TIPIN: variants seen among roughly 807,000 people sequenced by gnomAD.
TIPIN encodes TIMELESS interacting protein.
A neutral mutation model predicts 35.6 loss-of-function variants in TIPIN; 29 were observed. The ratio of observed to expected loss-of-function variants is 0.82; its 90% CI spans 0.61 to 1.11. TIPIN has a LOEUF of 1.11. TIPIN is among the 50% of genes most tolerant of loss of function. The probability of loss-of-function intolerance (pLI) is 0.00; values close to 1 mark genes in which losing one functional copy is unlikely to be tolerated. For missense variants in TIPIN, 296 were observed against 345.4 expected (o/e 0.86, Z 1.13); for synonymous variants, 102 against 121.5 (o/e 0.84, Z 1.06).
At position 66,349,878 on chromosome 15, in the gene TIPIN, C is replaced by CA. The variant is rs200525926; in HGVS notation, c.289-442dup. ...CTGGGTGACAGCGAGATCCTATATC[C>CA]AAAAAAAAGAGAGAAAATTATTAAG... is the stretch of plus-strand genomic sequence containing the variant. On this transcript the variant is annotated intron_variant, in intron 4 of 7. Transcript: ENST00000261881. Among the ~76,000 whole-genome samples, 50 of 151,190 alleles carry CA rather than the reference C, an allele frequency of 3.3e-4. 1 individual carries two copies. Among genetic ancestry groups the CA allele is most frequent in the Middle Eastern group, 6.8e-3 (2 of 294 alleles).
chr15:66,348,968 G>T, intron 6 of TIPIN, 92 bp downstream of exon 6: 2 of 991,688 alleles, frequency 2.0e-6, no homozygotes, highest in Non-Finnish European at 3.0e-6. Flanking sequence ...AAAAAGCAAA[G>T]CGCTGGGATT....
At chr15:66,356,209 G>A (rs911215831) in intron 1 of TIPIN, among the ~76,000 whole-genome samples, 16 of 151,980 alleles carry the variant, frequency 1.1e-4, no homozygotes, top group Non-Finnish European at 2.4e-4. Flanking sequence ...CTGCCTCGAT[G>A]TCCCCCTTGG....
intron 4 of TIPIN, among the ~76,000 whole-genome samples, chr15:66,350,023 G>A (rs950005940): frequency 2.8e-4 from 42 of 151,892 alleles, no homozygotes; most frequent in Admixed American, 2.2e-3. Flanking sequence ...GTGCAAGGGC[G>A]CAATCTTGGC....
chr15:66,340,841 C>A (rs2093081475), intron 7 of TIPIN, among the ~76,000 whole-genome samples: 1 of 152,142 alleles, frequency 6.6e-6, no homozygotes, highest in Admixed American at 6.6e-5. Flanking sequence ...AAGCGATCCA[C>A]CTACCTTGGC....
chr15:66,346,851 G>A (rs1394734147), intron 6 of TIPIN, among the ~76,000 whole-genome samples: 1 of 151,906 alleles, frequency 6.6e-6, no homozygotes, highest in East Asian at 1.9e-4. Flanking sequence ...GAGTGCAGTG[G>A]CGTGATCTCG....
intron 1 of TIPIN, chr15:66,382,253 T>A: frequency 3.2e-6 from 2 of 625,362 alleles, no homozygotes; most frequent in Non-Finnish European, 4.0e-6. Context: ...TCAGAGAGGG[T>A]AAGTAATCAG....
At chr15:66,337,265 G>C in intron 7 of TIPIN, 84 bp from the exon 8 acceptor site, 1 of 1,045,176 alleles carries the variant, frequency 9.6e-7, no homozygotes, top group Non-Finnish European at 1.4e-6. Context: ...CAAAAGCTCA[G>C]TTTAGTAAAA....
chr15:66,377,235 C>A (rs2093300444), intron 1 of TIPIN, among the ~76,000 whole-genome samples: 1 of 151,984 alleles, frequency 6.6e-6, no homozygotes, highest in African/African-American at 2.4e-5. Context: ...TTGCATTTCT[C>A]TAAGCGAGTA....
chr15:66,369,644 G>A (rs964804232), intron 1 of TIPIN, among the ~76,000 whole-genome samples: 4 of 152,106 alleles, frequency 2.6e-5, no homozygotes, highest in Admixed American at 6.5e-5. Context: ...CACCACGCCC[G>A]GCCTTACAAT....
At position 66,352,134 on chromosome 15, in the gene TIPIN, A is replaced by C; in HGVS notation, c.207T>G (p.Ala69=). 6.2e-7 allele frequency: 1 copy of C among 1,601,652 alleles called. No homozygotes were observed. Among genetic ancestry groups the C allele is most frequent in the Non-Finnish European group, 8.5e-7 (1 of 1,173,132 alleles). Residue 69 remains alanine (A), a synonymous_variant, in exon 3 of 8, where the codon GCT becomes GCG. Transcript: ENST00000261881. The stretch of plus-strand genomic sequence containing the variant: ...TAAGAATATAGTAAATGTACCTCTG[A>C]GCATCCAGCTTGGGTATATTTCTTT... ...TVKRNIPKLD[A]QRLISERGLP...
chr15:66,337,326 A>AT, intron 7 of TIPIN, 145 bp from the exon 8 acceptor site: 3 of 529,232 alleles, frequency 5.7e-6, no homozygotes, highest in Admixed American at 7.4e-5. Flanking sequence ...TTCTAAATAT[A>AT]TCTTTTTTTT....
At chr15:66,340,539 T>C (rs2093079045) in intron 7 of TIPIN, among the ~76,000 whole-genome samples, 1 of 152,032 alleles carries the variant, frequency 6.6e-6, no homozygotes, top group Admixed American at 6.6e-5. Flanking sequence ...TGGCACATGC[T>C]TTAAGGAGTC....
At chr15:66,375,047 A>G (rs1415341148) in intron 1 of TIPIN, among the ~76,000 whole-genome samples, 2 of 151,844 alleles carry the variant, frequency 1.3e-5, no homozygotes, top group African/African-American at 4.8e-5. Context: ...TGGATTGTCT[A>G]TCTCTTTTTG....
At chr15:66,371,945 C>A (rs760332643) in intron 1 of TIPIN, among the ~76,000 whole-genome samples, 11 of 152,118 alleles carry the variant, frequency 7.2e-5, no homozygotes, top group Non-Finnish European at 1.6e-4. Flanking sequence ...CAGGCACTTG[C>A]CATCATGCCT....
At chr15:66,349,955 TTTTTTTGG>T (rs1351075449) in intron 4 of TIPIN, among the ~76,000 whole-genome samples, 3 of 151,406 alleles carry the variant, frequency 2.0e-5, no homozygotes, top group East Asian at 3.9e-4. Context: ...GTTTTTTTTG[TTTTTTTGG>T]TTTTTTTGGT....
chr15:66,368,580 C>T (rs913649430), intron 1 of TIPIN, among the ~76,000 whole-genome samples: 4 of 151,880 alleles, frequency 2.6e-5, no homozygotes, highest in African/African-American at 7.3e-5. Context: ...TTGAATGGCA[C>T]CTAGATTTGC....
At chr15:66,378,299 C>A (rs1259456799) in intron 1 of TIPIN, among the ~76,000 whole-genome samples, 2 of 151,848 alleles carry the variant, frequency 1.3e-5, no homozygotes, top group Admixed American at 6.6e-5. Context: ...CCGCACCCGG[C>A]CAAATTTTTG....
chr15:66,354,841 A>C (rs1237489397), intron 1 of TIPIN, among the ~76,000 whole-genome samples: 4 of 152,116 alleles, frequency 2.6e-5, no homozygotes, highest in African/African-American at 9.7e-5. Context: ...TTTAGTAAGC[A>C]TTCATAGTGT....
intron 1 of TIPIN, among the ~76,000 whole-genome samples, chr15:66,370,228 C>A (rs1176639250): frequency 6.6e-6 from 1 of 152,070 alleles, no homozygotes; most frequent in Non-Finnish European, 1.5e-5. Flanking sequence ...GTCTGCCAAG[C>A]CAGAACGAGG....
Sources: allele counts gnomAD v4.1 joint callset (sites outside exome capture counted in the v4.1 genomes callset), GRCh38; gene constraint gnomAD v4.1.1; transcripts MANE v1.5; gene names NCBI Gene and HGNC (gene_info 2026-07-23, HGNC 2026-07-21).